The following GFOD1 variants were observed in gnomAD, a reference collection of about 807,000 sequenced individuals.
The protein encoded by GFOD1 is glucose-fructose oxidoreductase domain-containing protein 1.
A neutral mutation model predicts 25.4 loss-of-function variants in GFOD1; 9 were observed. The observed-to-expected ratio is 0.35, with a 90% CI of 0.21 to 0.62. GFOD1 has a LOEUF of 0.62. Ranked by LOEUF, GFOD1 falls within the 20% of genes least tolerant of loss-of-function variation. GFOD1 has a pLI of 0.72. For synonymous variants in GFOD1, 253 were observed against 245.6 expected (o/e 1.03, Z -0.28); for missense variants, 403 against 556.9 (o/e 0.72, Z 2.78).
At chr6:13,470,267 C>T (rs773471002) in intron 1 of GFOD1, 1 of 1,592,712 alleles carries the variant, frequency 6.3e-7, no homozygotes, top group South Asian at 1.1e-5. Flanking sequence ...CACATCCCTC[C>T]TGGAATCCCC....
intron 1 of GFOD1, among the ~76,000 whole-genome samples, chr6:13,398,442 A>T (rs552687998): frequency 1.8e-4 from 27 of 152,376 alleles, no homozygotes; most frequent in Admixed American, 1.8e-3. Flanking sequence ...AGCAAAGCTC[A>T]TTAAAGTATA....
chr6:13,372,342 G>A (rs952320887), intron 1 of GFOD1, among the ~76,000 whole-genome samples: 1 of 152,128 alleles, frequency 6.6e-6, no homozygotes, highest in Non-Finnish European at 1.5e-5. Flanking sequence ...AGCTCCCTCC[G>A]AAGCCTGCTG....
intron 1 of GFOD1, among the ~76,000 whole-genome samples, chr6:13,467,657 A>T (rs189646787): frequency 3.3e-4 from 50 of 152,368 alleles, no homozygotes; most frequent in Non-Finnish European, 1.8e-4. Context: ...AATGAAGCCA[A>T]CAAGAGCTTC....
At chr6:13,449,566 A>G (rs1758060088) in intron 1 of GFOD1, among the ~76,000 whole-genome samples, 1 of 152,226 alleles carries the variant, frequency 6.6e-6, no homozygotes, top group Non-Finnish European at 1.5e-5. Context: ...CTTGAATTGC[A>G]GTTCCCATAA....
At position 13,365,126 on chromosome 6, in the gene GFOD1, C is replaced by T. The variant is rs866513622; in HGVS notation, c.790G>A (p.Asp264Asn). The T allele has an allele frequency of 3.1e-6, 5 of 1,613,012 alleles. No homozygotes were observed. The highest frequency in any genetic ancestry group is 3.3e-5 in the Admixed American group (2 of 59,996). Residue 264 changes from aspartate to asparagine, a missense_variant, in exon 2 of 2, where the codon GAC becomes AAC. Coordinates refer to ENST00000379287, the MANE Select transcript of GFOD1 (RefSeq NM_018988.4). The surrounding 1 kb of genome is among the most constrained non-coding windows in gnomAD (Gnocchi z 9.2). ...GCGCTGTTGCGCTGCCCGTACAGGTCGGTGCCCACGGCCAGCAGGCGCCCG... is the reference window on the plus strand; with the variant it reads ...GCGCTGTTGCGCTGCCCGTACAGGTTGGTGCCCACGGCCAGCAGGCGCCCG... ...SAGRLLAVGT[D>N]LYGQRNSAPE...
intron 1 of GFOD1, among the ~76,000 whole-genome samples, chr6:13,443,031 T>C (rs1351182241): frequency 6.6e-6 from 1 of 152,202 alleles, no homozygotes; most frequent in East Asian, 1.9e-4. Context: ...AGAACATTAG[T>C]GATTCAAGGG....
At chr6:13,419,607 C>T (rs956693954) in intron 1 of GFOD1, among the ~76,000 whole-genome samples, 23 of 152,124 alleles carry the variant, frequency 1.5e-4, no homozygotes, top group African/African-American at 3.9e-4. Context: ...TGTAGAACCC[C>T]GAGTCAGTCC....
intron 1 of GFOD1, among the ~76,000 whole-genome samples, chr6:13,454,028 G>A (rs368321320): frequency 6.6e-6 from 1 of 152,324 alleles, no homozygotes; most frequent in African/African-American, 2.4e-5. Context: ...CATGAGGGTT[G>A]GCCCTAATCC....
intron 1 of GFOD1, among the ~76,000 whole-genome samples, chr6:13,472,252 C>A (rs1758524838): frequency 6.6e-6 from 1 of 152,100 alleles, no homozygotes; most frequent in Admixed American, 6.5e-5. Context: ...ACAGCCAAAC[C>A]ACATCAAAAC....
intron 1 of GFOD1, among the ~76,000 whole-genome samples, chr6:13,444,403 C>T (rs1377577227): frequency 2.0e-5 from 3 of 147,120 alleles, no homozygotes; most frequent in Non-Finnish European, 3.0e-5. Flanking sequence ...AAAAAAAAAA[C>T]TATTGGGTAC....
At chr6:13,399,992 C>T (rs776402459) in intron 1 of GFOD1, among the ~76,000 whole-genome samples, 3 of 152,084 alleles carry the variant, frequency 2.0e-5, no homozygotes, top group Non-Finnish European at 4.4e-5. Flanking sequence ...TTTCTTTCTC[C>T]TAAGATCCTC....
At chr6:13,395,387 C>T (rs943936809) in intron 1 of GFOD1, among the ~76,000 whole-genome samples, 1 of 152,168 alleles carries the variant, frequency 6.6e-6, no homozygotes, top group African/African-American at 2.4e-5. Context: ...CTATAAACCA[C>T]CCGATAAAAC....
chr6:13,457,534 G>A (rs1445318323), intron 1 of GFOD1, among the ~76,000 whole-genome samples: 5 of 152,110 alleles, frequency 3.3e-5, no homozygotes, highest in Admixed American at 2.6e-4. Context: ...ACACACCCAG[G>A]GATGATGGAG....
intron 1 of GFOD1, among the ~76,000 whole-genome samples, chr6:13,389,161 G>T (rs182366197): frequency 1.3e-5 from 2 of 152,338 alleles, no homozygotes; most frequent in African/African-American, 4.8e-5. Flanking sequence ...TTACACTGTT[G>T]GTGGGAGTGT....
intron 1 of GFOD1, among the ~76,000 whole-genome samples, chr6:13,460,082 C>T (rs1031302327): frequency 2.0e-5 from 3 of 152,134 alleles, no homozygotes; most frequent in Non-Finnish European, 4.4e-5. Context: ...TACAGTGAGC[C>T]GAGATCGCGC....
At chr6:13,397,074 C>G (rs139133132) in intron 1 of GFOD1, among the ~76,000 whole-genome samples, 1 of 152,124 alleles carries the variant, frequency 6.6e-6, no homozygotes, top group African/African-American at 2.4e-5. Flanking sequence ...ATGTTGGAAA[C>G]AGTGCTCAGA....
At chr6:13,372,429 C>T (rs1785171331) in intron 1 of GFOD1, among the ~76,000 whole-genome samples, 1 of 152,148 alleles carries the variant, frequency 6.6e-6, no homozygotes, top group Non-Finnish European at 1.5e-5. Context: ...AGTTTCCAGC[C>T]CAGAGACCCT....
intron 1 of GFOD1, among the ~76,000 whole-genome samples, chr6:13,436,797 G>A (rs1476081253): frequency 2.0e-5 from 3 of 152,212 alleles, no homozygotes; most frequent in Non-Finnish European, 4.4e-5. Flanking sequence ...TCGTATATGA[G>A]AAAATGATTG....
chr6:13,446,946 G>T (rs1758012608), intron 1 of GFOD1, among the ~76,000 whole-genome samples: 1 of 152,188 alleles, frequency 6.6e-6, no homozygotes, highest in African/African-American at 2.4e-5. Context: ...CCAGCTCTAA[G>T]TAACAATAAG....
Sources: gnomAD v4.1 joint callset for allele counts (sites outside exome capture counted in the v4.1 genomes callset) on GRCh38, gnomAD v4.1.1 for gene constraint, Gnocchi (gnomAD v3.1) non-coding constraint, MANE v1.5 for transcripts, NCBI Gene and HGNC (gene_info 2026-07-23, HGNC 2026-07-21) for gene names.